Variants in ANKRD12 observed in about 807,000 individuals in gnomAD.
ANKRD12 encodes ankyrin repeat domain-containing protein 12.
ANKRD12 carries 85 observed loss-of-function variants against 183.4 expected under a neutral mutation model. The ratio of observed to expected loss-of-function variants is 0.46; its 90% CI spans 0.39 to 0.56. The LOEUF is 0.56. Among genes scored for constraint, ANKRD12 ranks in the 20% least tolerant of loss-of-function variants. The pLI is 0.00. For missense variants in ANKRD12, 2,405 were observed against 2,357.1 expected (o/e 1.02, Z -0.42); for synonymous variants, 914 against 800.2 (o/e 1.14, Z -2.40).
At chr18:9,225,738 C>T (rs971970178) in intron 8 of ANKRD12, among the ~76,000 whole-genome samples, 17 of 152,110 alleles carry the variant, frequency 1.1e-4, no homozygotes, top group Admixed American at 1.0e-3. Flanking sequence ...CCCAAATTAC[C>T]CACTTACAAT....
Position 9,172,401 on chromosome 18 carries a change from C to A in ANKRD12, c.-51-9981C>A, listed in dbSNP as rs183033621. Among the ~76,000 whole-genome samples the A allele has an allele frequency of 7.2e-5, 11 of 152,168 alleles. No homozygotes were observed. In the South Asian group the frequency reaches 2.1e-3, roughly 29 times the overall value. ...TCTTTTTACATAGTCCCATATTTCT[C>A]GAGGTTTTGATCATTCCTTTTCATT... is the stretch of plus-strand genomic sequence containing the variant. On this transcript the variant is annotated intron_variant, in intron 1 of 12. Coordinates refer to ENST00000262126, the MANE Select transcript of ANKRD12 (RefSeq NM_015208.5).
At chr18:9,176,993 A>G (rs1187343693) in intron 1 of ANKRD12, among the ~76,000 whole-genome samples, 3 of 152,196 alleles carry the variant, frequency 2.0e-5, no homozygotes, top group African/African-American at 7.2e-5. Flanking sequence ...TTGGTCTGTA[A>G]GGAGCAAGAA....
intron 7 of ANKRD12, among the ~76,000 whole-genome samples, chr18:9,221,126 C>G (rs1321846991): frequency 6.6e-6 from 1 of 151,996 alleles, no homozygotes. Context: ...GAAAGATTGG[C>G]TTCTAAAAAG....
At chr18:9,177,886 C>A (rs1370144199) in intron 1 of ANKRD12, among the ~76,000 whole-genome samples, 1 of 152,106 alleles carries the variant, frequency 6.6e-6, no homozygotes, top group Non-Finnish European at 1.5e-5. Context: ...TGCTTATTTG[C>A]CATTCATTAT....
chr18:9,254,231 G>A lies in ANKRD12; in HGVS notation c.964G>A (p.Val322Ile). ...SYTDSEEAQS[V>I]NPSSVDENID... Reference sequence around the variant, plus strand: ...TCTAGATTCCGAAGAGGCTCAATCTGTAAATCCTTCTAGTGTTGATGAAAA... The same window carrying A: ...TCTAGATTCCGAAGAGGCTCAATCTATAAATCCTTCTAGTGTTGATGAAAA... The change falls in exon 9 of 13, where the codon GTA becomes ATA. Residue 322 changes from valine (V) to isoleucine (I), a missense_variant. By Grantham distance (29) the Val-to-Ile change is conservative (BLOSUM62 3). Transcript: ENST00000262126. 6.4e-7 allele frequency: 1 copy of A among 1,573,486 alleles called. No individual in the cohort carries two copies. Among genetic ancestry groups the A allele is most frequent in the South Asian group, 1.2e-5 (1 of 83,762 alleles).
intron 8 of ANKRD12, among the ~76,000 whole-genome samples, chr18:9,244,857 A>AT (rs1466404579): frequency 3.9e-5 from 6 of 152,174 alleles, no homozygotes; most frequent in Non-Finnish European, 8.8e-5. Context: ...TTCCAAGTTA[A>AT]TTAAGTCAGA....
chr18:9,187,712 G>C (rs1175184762), intron 2 of ANKRD12, among the ~76,000 whole-genome samples: 1 of 152,122 alleles, frequency 6.6e-6, no homozygotes, highest in Non-Finnish European at 1.5e-5. Flanking sequence ...GTTTAGAAAT[G>C]TCTCCACTAC....
At chr18:9,270,629 G>A (rs998158124) in intron 10 of ANKRD12, among the ~76,000 whole-genome samples, 41 of 152,142 alleles carry the variant, frequency 2.7e-4, no homozygotes, top group African/African-American at 9.7e-4. Context: ...GTGGAGGGAG[G>A]CGGGGAGGGA....
intron 8 of ANKRD12, among the ~76,000 whole-genome samples, chr18:9,245,977 A>G (rs2037938932): frequency 6.6e-6 from 1 of 152,210 alleles, no homozygotes; most frequent in South Asian, 2.1e-4. Context: ...TTGAAGATGT[A>G]ACTCTGCCAC....
At position 9,277,413 on chromosome 18, in the gene ANKRD12, T is replaced by C. The variant is rs1192078892; in HGVS notation, c.5907+1746T>C. Among the ~76,000 whole-genome samples the C allele has an allele frequency of 2.7e-5, 4 of 148,912 alleles. No homozygotes were observed. In the East Asian group the frequency reaches 6.0e-4, roughly 22 times the overall value. ...CACGATCTCGGCTCACTGCAAGCTC[T>C]GCCTCCCTGGTTCATGCCATTCTCC... On this transcript the variant is annotated intron_variant, in intron 11 of 12. Transcript: ENST00000262126.
intron 1 of ANKRD12, among the ~76,000 whole-genome samples, chr18:9,149,700 G>C (rs896463661): frequency 6.6e-6 from 1 of 152,038 alleles, no homozygotes; most frequent in African/African-American, 2.4e-5. Context: ...ACTCTATCCT[G>C]TAGGTTTACC....
At chr18:9,228,264 C>T (rs768582299) in intron 8 of ANKRD12, among the ~76,000 whole-genome samples, 27 of 152,224 alleles carry the variant, frequency 1.8e-4, no homozygotes, top group Non-Finnish European at 3.7e-4. Context: ...TCTTTGCTGT[C>T]GGGAACAGAG....
intron 10 of ANKRD12, among the ~76,000 whole-genome samples, chr18:9,267,117 C>T (rs953179751): frequency 1.3e-5 from 2 of 152,172 alleles, no homozygotes; most frequent in Non-Finnish European, 1.5e-5. Flanking sequence ...ATTCATAAAG[C>T]AAGTCCTTAG....
At chr18:9,274,938 T>C (rs937522760) in intron 10 of ANKRD12, among the ~76,000 whole-genome samples, 3 of 152,114 alleles carry the variant, frequency 2.0e-5, no homozygotes, top group Non-Finnish European at 4.4e-5. Context: ...ATCCCAGCGC[T>C]TTGGGAGGCC....
At chr18:9,167,302 T>G (rs1453136331) in intron 1 of ANKRD12, among the ~76,000 whole-genome samples, 1 of 152,226 alleles carries the variant, frequency 6.6e-6, no homozygotes, top group Non-Finnish European at 1.5e-5. Context: ...ATAAATTACC[T>G]TGGGCAGTAT....
chr18:9,253,408 C>T (rs1393836058), intron 8 of ANKRD12, among the ~76,000 whole-genome samples: 1 of 152,116 alleles, frequency 6.6e-6, no homozygotes, highest in Non-Finnish European at 1.5e-5. Context: ...ATTTTTTGCT[C>T]CCACATACAA....
Position 9,258,587 on chromosome 18 carries a change from A to T in ANKRD12, c.5320A>T (p.Thr1774Ser), listed in dbSNP as rs1269601315. The change falls in exon 9 of 13, where the codon ACT becomes TCT. Residue 1774 changes from threonine to serine, a missense_variant. Coordinates refer to ENST00000262126, the MANE Select transcript of ANKRD12 (RefSeq NM_015208.5). ...ATCTCCTAGAGGAAGAATAAGATTA[A>T]CTGAAGATGACGATCCTCAAATTCA... ...SSSPRGRIRLTEDDDPQIHHP... is the reference protein window; with the variant it reads ...SSSPRGRIRLSEDDDPQIHHP... 4.3e-6 allele frequency: 7 copies of T among 1,613,782 alleles called. No individual in the cohort carries two copies. Among genetic ancestry groups the T allele is most frequent in the Non-Finnish European group, 5.1e-6 (6 of 1,179,922 alleles).
chr18:9,137,947 C>A lies in ANKRD12; in HGVS notation c.-52+982C>A, dbSNP rs535279142. Reference sequence around the variant, plus strand: ...TGTCTGGGATAGGAAGTTACTGTTGCACTCGTTGAAACCTTAGGAAACATT... The same window carrying A: ...TGTCTGGGATAGGAAGTTACTGTTGAACTCGTTGAAACCTTAGGAAACATT... On this transcript the variant is annotated intron_variant, in intron 1 of 12. Transcript: ENST00000262126. 5.3e-5 allele frequency: 8 copies of A among 152,236 alleles called. No homozygotes were observed. In the East Asian group the frequency reaches 1.5e-3, roughly 29 times the overall value. 9.4% of individuals were successfully genotyped at this position (152,236 alleles called of 1,614,324 possible).
At chr18:9,250,967 G>C (rs1203638868) in intron 8 of ANKRD12, among the ~76,000 whole-genome samples, 1 of 152,120 alleles carries the variant, frequency 6.6e-6, no homozygotes, top group African/African-American at 2.4e-5. Flanking sequence ...ATCCAGGTTA[G>C]TTGACTAGAA....
Sources: allele counts gnomAD v4.1 joint callset (sites outside exome capture counted in the v4.1 genomes callset), GRCh38; gene constraint gnomAD v4.1.1; transcripts MANE v1.5; gene names NCBI Gene and HGNC (gene_info 2026-07-23, HGNC 2026-07-21).